EBF2: variants seen among roughly 807,000 people sequenced by gnomAD.
The protein encoded by EBF2 is EBF transcription factor 2.
Under a neutral mutation model 72.8 loss-of-function variants are expected in EBF2, and 21 were observed. The observed-to-expected ratio is 0.29, with a 90% confidence interval of 0.20 to 0.42. The LOEUF (loss-of-function observed/expected upper bound fraction) is 0.42, where lower values mean the gene tolerates loss of function less well. Among genes scored for constraint, EBF2 ranks in the 10% least tolerant of loss-of-function variants. The probability of loss-of-function intolerance (pLI) is 1.00; values close to 1 mark genes in which losing one functional copy is unlikely to be tolerated. For missense variants in EBF2, 637 were observed against 731.2 expected, an observed-to-expected ratio of 0.87 and a Z score of 1.49; for synonymous variants, 299 against 274.2, an observed-to-expected ratio of 1.09 and a Z score of -0.89.
At chr8:26,009,407 A>C (rs1212667866) in intron 6 of EBF2, among the ~76,000 whole-genome samples, 2 of 152,256 alleles carry the variant, frequency 1.3e-5, no homozygotes, top group Admixed American at 6.5e-5. Flanking sequence ...ATCACACATC[A>C]TAATGACAAA....
intron 15 of EBF2, among the ~76,000 whole-genome samples, chr8:25,849,891 C>T (rs954278580): frequency 1.3e-5 from 2 of 151,924 alleles, no homozygotes; most frequent in African/African-American, 4.8e-5. Context: ...GGCTCCTGTC[C>T]ATGTATGCCA....
intron 6 of EBF2, among the ~76,000 whole-genome samples, chr8:25,993,224 AC>A (rs1479332576): frequency 1.3e-5 from 2 of 152,130 alleles, no homozygotes; most frequent in Non-Finnish European, 2.9e-5. Flanking sequence ...ACTGTCAACC[AC>A]CTTTGGATAA....
chr8:25,910,821 A>G (rs1291671203), intron 6 of EBF2, among the ~76,000 whole-genome samples: 1 of 152,084 alleles, frequency 6.6e-6, no homozygotes, highest in Non-Finnish European at 1.5e-5. Flanking sequence ...TGGGAGGAGG[A>G]AGAGGGAGGT....
intron 6 of EBF2, among the ~76,000 whole-genome samples, chr8:25,936,419 C>T (rs778607519): frequency 1.3e-4 from 20 of 152,088 alleles, no homozygotes; most frequent in Non-Finnish European, 2.6e-4. Context: ...TTAGTGACTG[C>T]TAAATTATTA....
chr8:25,899,312 T>C (rs1802911075), intron 7 of EBF2, among the ~76,000 whole-genome samples: 1 of 151,818 alleles, frequency 6.6e-6, no homozygotes, highest in Admixed American at 6.6e-5. Context: ...TGTTTTATCA[T>C]CAGATAATGG....
At chr8:26,014,816 T>C (rs1805081626) in intron 6 of EBF2, among the ~76,000 whole-genome samples, 1 of 152,224 alleles carries the variant, frequency 6.6e-6, no homozygotes, top group Admixed American at 6.5e-5. Context: ...AACAGTTTTC[T>C]CCTGATCTGA....
intron 6 of EBF2, among the ~76,000 whole-genome samples, chr8:26,009,247 CTCTT>C (rs1409617482): frequency 6.6e-6 from 1 of 151,494 alleles, no homozygotes; most frequent in Non-Finnish European, 1.5e-5. Context: ...CCTGAGTTTT[CTCTT>C]TTTTTCCCCC....
rs7006833 is a variant in EBF2, at chr8:26,026,876, C to G, written c.551+6209G>C. On this transcript the variant is annotated intron_variant, in intron 6 of 15. Transcript: ENST00000520164. ...ATGTGACCTTGGCTGAGTTACATAACTCCTTCAAACTTGAGACTTTTATCA... is the reference window on the plus strand; with the variant it reads ...ATGTGACCTTGGCTGAGTTACATAAGTCCTTCAAACTTGAGACTTTTATCA... Among the ~76,000 whole-genome samples the G allele has an allele frequency of 9.9e-3, 1,502 of 152,306 alleles. 34 individuals carry two copies. Among genetic ancestry groups the G allele is most frequent in the African/African-American group, 0.034 (1,433 of 41,546 alleles).
intron 6 of EBF2, among the ~76,000 whole-genome samples, chr8:25,965,495 G>T (rs1340027419): frequency 1.3e-5 from 2 of 152,148 alleles, no homozygotes; most frequent in Admixed American, 1.3e-4. Flanking sequence ...TATTTTCTCA[G>T]TTGCCAAAAA....
At chr8:26,019,206 A>G (rs1379582804) in intron 6 of EBF2, among the ~76,000 whole-genome samples, 2 of 152,054 alleles carry the variant, frequency 1.3e-5, no homozygotes, top group Non-Finnish European at 2.9e-5. Context: ...ATCCCATTTG[A>G]TTAACAGCTA....
chr8:25,912,542 T>C (rs1489649578), intron 6 of EBF2, among the ~76,000 whole-genome samples: 1 of 149,968 alleles, frequency 6.7e-6, no homozygotes, highest in Non-Finnish European at 1.5e-5. Context: ...TGAAAGATTC[T>C]TGCTTCTTGA....
chr8:25,966,855 C>T (rs1804123194), intron 6 of EBF2, among the ~76,000 whole-genome samples: 1 of 152,222 alleles, frequency 6.6e-6, no homozygotes, highest in African/African-American at 2.4e-5. Flanking sequence ...AACAAAGCTA[C>T]AGCCACAACA....
At chr8:25,909,251 C>T (rs950802686) in intron 6 of EBF2, among the ~76,000 whole-genome samples, 2 of 152,206 alleles carry the variant, frequency 1.3e-5, no homozygotes, top group Non-Finnish European at 1.5e-5. Flanking sequence ...CCTATCTGTG[C>T]AATTTTAAAA....
rs1326126316 is a variant in EBF2, at chr8:25,958,372, G to A, written c.552-49817C>T. Among the ~76,000 whole-genome samples, 3 of 151,354 alleles carry A rather than the reference G, an allele frequency of 2.0e-5. No individual in the cohort carries two copies. The Admixed American group carries it at 2.0e-4, about 10-fold the overall frequency. ...TTTTAAAGTTTTGCTAAACATAAAT[G>A]CACCTCCACTCATTATGATTTCCCC... On this transcript the variant is annotated intron_variant, in intron 6 of 15. Transcript: ENST00000520164.
intron 1 of EBF2, among the ~76,000 whole-genome samples, chr8:26,043,643 C>T (rs1297200740): frequency 1.3e-5 from 2 of 152,174 alleles, no homozygotes; most frequent in Non-Finnish European, 2.9e-5. Flanking sequence ...CTGCTTTCTC[C>T]GCTCCAAGGG....
At chr8:25,917,670 G>T (rs527269687) in intron 6 of EBF2, among the ~76,000 whole-genome samples, 14 of 152,148 alleles carry the variant, frequency 9.2e-5, no homozygotes, top group African/African-American at 3.1e-4. Context: ...ATGACTCTCG[G>T]GTGAAGGAGA....
At chr8:26,003,199 G>T (rs931435749) in intron 6 of EBF2, among the ~76,000 whole-genome samples, 3 of 152,090 alleles carry the variant, frequency 2.0e-5, no homozygotes, top group African/African-American at 7.2e-5. Context: ...GGGTTCCATG[G>T]ATAACTAATT....
At chr8:25,877,028 C>A (rs1012129397) in intron 10 of EBF2, among the ~76,000 whole-genome samples, 1 of 152,194 alleles carries the variant, frequency 6.6e-6, no homozygotes, top group African/African-American at 2.4e-5. Context: ...CTGCAAAGAA[C>A]CACAGGAACA....
chr8:25,961,110 G>A (rs1451105160), intron 6 of EBF2, among the ~76,000 whole-genome samples: 1 of 152,132 alleles, frequency 6.6e-6, no homozygotes, highest in African/African-American at 2.4e-5. Context: ...GCACATATGC[G>A]TGAAAAAGAA....
Sources: allele counts gnomAD v4.1 joint callset (sites outside exome capture counted in the v4.1 genomes callset), GRCh38; gene constraint gnomAD v4.1.1; transcripts MANE v1.5; gene names NCBI Gene and HGNC (gene_info 2026-07-23, HGNC 2026-07-21).